TBC1D32: variants seen among roughly 807,000 people sequenced by gnomAD.
The protein encoded by TBC1D32 is TBC1 domain family member 32.
In TBC1D32, 151 loss-of-function variants were observed where a neutral mutation model predicts 170.3. The ratio of observed to expected loss-of-function variants is 0.89; its 90% CI spans 0.78 to 1.01. TBC1D32 has a LOEUF of 1.01. Among genes scored for constraint, TBC1D32 ranks in the 50% least tolerant of loss-of-function variants. The pLI is 0.00. For synonymous variants in TBC1D32, 498 were observed against 488.0 expected (o/e 1.02, Z -0.27); for missense variants, 1,464 against 1,457.1 (o/e 1.00, Z -0.08).
intron 10 of TBC1D32, among the ~76,000 whole-genome samples, chr6:121,296,239 T>C (rs76083652): frequency 0.033 from 4,995 of 152,264 alleles, 195 homozygotes; most frequent in East Asian, 0.12. Context: ...ACTTTTTCCT[T>C]TTTGCTGATT....
intron 26 of TBC1D32, among the ~76,000 whole-genome samples, chr6:121,116,056 T>C (rs1323188857): frequency 6.6e-6 from 1 of 152,008 alleles, no homozygotes; most frequent in Non-Finnish European, 1.5e-5. Context: ...GTAGCATGCA[T>C]ACATACACAC....
chr6:121,177,270 G>A (rs530600540), intron 22 of TBC1D32, among the ~76,000 whole-genome samples: 6 of 152,222 alleles, frequency 3.9e-5, no homozygotes, highest in Non-Finnish European at 8.8e-5. Context: ...CTGTTCTCAT[G>A]ATAGTGAGCG....
At chr6:121,082,749 AT>A (rs1775770541) in intron 31 of TBC1D32, among the ~76,000 whole-genome samples, 1 of 151,956 alleles carries the variant, frequency 6.6e-6, no homozygotes, top group South Asian at 2.1e-4. Flanking sequence ...CTCAATTTAA[AT>A]ATATTTTTTC....
chr6:121,238,161 T>G (rs1206451049), intron 20 of TBC1D32, among the ~76,000 whole-genome samples: 1 of 152,104 alleles, frequency 6.6e-6, no homozygotes, highest in Non-Finnish European at 1.5e-5. Context: ...CCTCCTTTAA[T>G]TTTCCACCTG....
chr6:121,171,945 G>A (rs898468245), intron 22 of TBC1D32, among the ~76,000 whole-genome samples: 3 of 151,976 alleles, frequency 2.0e-5, no homozygotes, highest in African/African-American at 4.8e-5. Context: ...TATCCACTTA[G>A]AAATAACCCA....
chr6:121,141,397 C>T (rs1582938245), intron 24 of TBC1D32, among the ~76,000 whole-genome samples: 2 of 152,204 alleles, frequency 1.3e-5, no homozygotes, highest in East Asian at 1.9e-4. Flanking sequence ...GTTTGCAAAG[C>T]ACTTATCTCA....
At chr6:121,271,657 A>C (rs1563175319) in intron 15 of TBC1D32, among the ~76,000 whole-genome samples, 1 of 152,214 alleles carries the variant, frequency 6.6e-6, no homozygotes, top group Non-Finnish European at 1.5e-5. Context: ...ATGGATAGGA[A>C]GAATCAATAT....
intron 15 of TBC1D32, among the ~76,000 whole-genome samples, chr6:121,269,793 A>T (rs1349377228): frequency 6.6e-6 from 1 of 152,170 alleles, no homozygotes; most frequent in Non-Finnish European, 1.5e-5. Context: ...CTCCACCCCA[A>T]ATCAACAGAA....
At chr6:121,133,443 A>G (rs1781665865) in intron 24 of TBC1D32, among the ~76,000 whole-genome samples, 1 of 152,038 alleles carries the variant, frequency 6.6e-6, no homozygotes. Flanking sequence ...TATAAAGCAT[A>G]TGCATGTATA....
intron 22 of TBC1D32, among the ~76,000 whole-genome samples, chr6:121,178,053 A>C (rs1378072038): frequency 6.6e-6 from 1 of 152,184 alleles, no homozygotes; most frequent in African/African-American, 2.4e-5. Flanking sequence ...CACATCTTAC[A>C]TGGCAGCAGG....
At chr6:121,188,166 T>C (rs1385279293) in intron 22 of TBC1D32, among the ~76,000 whole-genome samples, 1 of 152,150 alleles carries the variant, frequency 6.6e-6, no homozygotes, top group Non-Finnish European at 1.5e-5. Flanking sequence ...ACTTCATAAG[T>C]TTGTTCTGAA....
intron 24 of TBC1D32, among the ~76,000 whole-genome samples, chr6:121,138,128 T>C (rs964730566): frequency 3.9e-5 from 6 of 152,134 alleles, no homozygotes; most frequent in Non-Finnish European, 7.4e-5. Context: ...GAAGCAATTC[T>C]ACAGAAAACT....
chr6:121,303,151 G>A (rs1806733652), intron 9 of TBC1D32, among the ~76,000 whole-genome samples: 1 of 152,042 alleles, frequency 6.6e-6, no homozygotes. Flanking sequence ...GAAATTGCCA[G>A]GTTCAGGTAT....
At chr6:121,175,462 C>T (rs949794590) in intron 22 of TBC1D32, among the ~76,000 whole-genome samples, 2 of 152,096 alleles carry the variant, frequency 1.3e-5, no homozygotes, top group Non-Finnish European at 2.9e-5. Flanking sequence ...CAAATTTAAT[C>T]CAGCAGTTAA....
Position 121,148,618 on chromosome 6 carries a change from ATTTC to A in TBC1D32, c.2773+11388_2773+11391del, listed in dbSNP as rs753202367. Among the ~76,000 whole-genome samples the A allele has an allele frequency of 1.3e-4, 20 of 151,344 alleles. 1 individual carries two copies. Among genetic ancestry groups the A allele is most frequent in the Non-Finnish European group, 2.8e-4 (19 of 67,768 alleles). On this transcript the variant is annotated intron_variant, in intron 24 of 31. Transcript: ENST00000398212. ...TGACCAACAGTGTAAAAGCGTCCCT[ATTTC>A]TTTTTTTTTTAGATGGAGTCTCGCT... is the stretch of plus-strand genomic sequence containing the variant.
intron 21 of TBC1D32, among the ~76,000 whole-genome samples, chr6:121,211,070 A>C (rs1217915165): frequency 6.6e-6 from 1 of 152,210 alleles, no homozygotes; most frequent in Non-Finnish European, 1.5e-5. Context: ...AAAAGACTTG[A>C]AAGAACCCAA....
chr6:121,230,412 T>C (rs972232261), intron 20 of TBC1D32, among the ~76,000 whole-genome samples: 3 of 152,094 alleles, frequency 2.0e-5, no homozygotes, highest in Non-Finnish European at 2.9e-5. Context: ...AAATATATTA[T>C]CATCTTTAAC....
chr6:121,289,820 A>T (rs1371524059), intron 12 of TBC1D32, among the ~76,000 whole-genome samples: 1 of 152,166 alleles, frequency 6.6e-6, no homozygotes, highest in African/African-American at 2.4e-5. Context: ...AATGGAACAG[A>T]ACAGAGCCCT....
At position 121,307,973 on chromosome 6, in the gene TBC1D32, TACAC is replaced by T. The variant is rs1404383679; in HGVS notation, c.689_690+2del. The T allele has an allele frequency of 6.2e-7, 1 of 1,608,010 alleles. No individual in the cohort carries two copies. Among genetic ancestry groups the T allele is most frequent in the South Asian group, 1.1e-5 (1 of 89,402 alleles). On this transcript the variant is annotated splice_donor_variant and coding_sequence_variant, in exon 5 of 32. Coordinates refer to ENST00000398212, the MANE Select transcript of TBC1D32 (RefSeq NM_152730.6). LOFTEE classifies it high-confidence loss of function. ...TTTAATATTTCTATAACCATTTTCT[TACAC>T]TAAACACAGGATCAGGATCTGAAAG...
Sources: gnomAD v4.1 joint callset for allele counts (sites outside exome capture counted in the v4.1 genomes callset) on GRCh38, gnomAD v4.1.1 for gene constraint, MANE v1.5 for transcripts, NCBI Gene and HGNC (gene_info 2026-07-23, HGNC 2026-07-21) for gene names.